Variants in EPHA7 observed in about 807,000 individuals in gnomAD.
The protein encoded by EPHA7 is ephrin type-A receptor 7.
In EPHA7, 25 loss-of-function variants were observed where a neutral mutation model predicts 112.6. The observed-to-expected ratio is 0.22, with a 90% CI of 0.16 to 0.31. The LOEUF (loss-of-function observed/expected upper bound fraction) is 0.31. Among genes scored for constraint, EPHA7 ranks in the 10% least tolerant of loss-of-function variants. The probability of loss-of-function intolerance (pLI) is 1.00; values close to 1 mark genes in which losing one functional copy is unlikely to be tolerated. For missense variants in EPHA7, 962 were observed against 1,212.6 expected (o/e 0.79, Z 3.07); for synonymous variants, 437 against 406.5 (o/e 1.07, Z -0.90).
At chr6:93,356,217 T>C (rs936707893) in intron 5 of EPHA7, among the ~76,000 whole-genome samples, 2 of 151,948 alleles carry the variant, frequency 1.3e-5, no homozygotes, top group African/African-American at 4.8e-5. Context: ...CCTGTTTTTT[T>C]TTTTCCAGAG....
chr6:93,298,172 T>C (rs1056624170), intron 5 of EPHA7, among the ~76,000 whole-genome samples: 39 of 152,208 alleles, frequency 2.6e-4, no homozygotes, highest in Admixed American at 5.9e-4. Context: ...AAAAAAATAT[T>C]AGTCTTTCAA....
intron 5 of EPHA7, among the ~76,000 whole-genome samples, chr6:93,351,072 T>C (rs1775667954): frequency 6.6e-6 from 1 of 152,060 alleles, no homozygotes; most frequent in African/African-American, 2.4e-5. Flanking sequence ...CTGAAGAAAT[T>C]ATTTGCCCAG....
rs145127086 is a variant in EPHA7, at chr6:93,310,588, C to T, written c.1325-38166G>A. On this transcript the variant is annotated intron_variant, in intron 5 of 16. Transcript: ENST00000369303. ...GCTGAGGCAGAAAATTGCTTGAACC[C>T]GGGGGATGGAGGTTGCAGTGAGCAG... Among the ~76,000 whole-genome samples the T allele has an allele frequency of 1.2e-3, 177 of 151,182 alleles. 4 individuals are homozygous for T. In the East Asian group the frequency reaches 0.03, roughly 26 times the overall value.
At chr6:93,417,816 G>A (rs1336009739) in intron 1 of EPHA7, among the ~76,000 whole-genome samples, 2 of 152,110 alleles carry the variant, frequency 1.3e-5, no homozygotes, top group Non-Finnish European at 1.5e-5. Flanking sequence ...GAGGCACGGG[G>A]TTCTCTGAAT....
intron 3 of EPHA7, among the ~76,000 whole-genome samples, chr6:93,407,841 C>T (rs1778793632): frequency 6.6e-6 from 1 of 151,680 alleles, no homozygotes; most frequent in Non-Finnish European, 1.5e-5. Flanking sequence ...TTTTACAGTA[C>T]CATGTTTGAT....
intron 3 of EPHA7, among the ~76,000 whole-genome samples, chr6:93,365,987 A>C (rs1776489100): frequency 6.6e-6 from 1 of 152,206 alleles, no homozygotes; most frequent in Non-Finnish European, 1.5e-5. Flanking sequence ...TTAGAATGTA[A>C]AATGAAATAA....
At chr6:93,313,740 T>C (rs1022574638) in intron 5 of EPHA7, among the ~76,000 whole-genome samples, 1 of 151,150 alleles carries the variant, frequency 6.6e-6, no homozygotes, top group Non-Finnish European at 1.5e-5. Flanking sequence ...TCTTAAAAGA[T>C]ATGGAACAAG....
chr6:93,386,779 A>T (rs1008989090), intron 3 of EPHA7, among the ~76,000 whole-genome samples: 7 of 152,130 alleles, frequency 4.6e-5, no homozygotes, highest in African/African-American at 1.7e-4. Context: ...CACCTGCAGG[A>T]CCAACACCAC....
chr6:93,338,310 A>G (rs540452867), intron 5 of EPHA7, among the ~76,000 whole-genome samples: 1 of 152,078 alleles, frequency 6.6e-6, no homozygotes. Context: ...AATAGTTTGA[A>G]ATAGTCTAAG....
chr6:93,365,661 A>C (rs1053530165), intron 3 of EPHA7, among the ~76,000 whole-genome samples: 3 of 152,190 alleles, frequency 2.0e-5, no homozygotes, highest in African/African-American at 7.2e-5. Context: ...AACAGCGAGC[A>C]GGGAGGATAA....
intron 9 of EPHA7, among the ~76,000 whole-genome samples, chr6:93,263,487 G>T (rs150087745): frequency 6.6e-6 from 1 of 151,256 alleles, no homozygotes; most frequent in African/African-American, 2.4e-5. Context: ...TCACTCATTG[G>T]ATTAAAAAAG....
At chr6:93,262,336 G>A (rs1280034175) in intron 9 of EPHA7, among the ~76,000 whole-genome samples, 2 of 151,380 alleles carry the variant, frequency 1.3e-5, no homozygotes, top group Admixed American at 6.6e-5. Flanking sequence ...TGCCAGATTA[G>A]CAAAAGGAAG....
At chr6:93,309,723 T>C (rs1456084843) in intron 5 of EPHA7, among the ~76,000 whole-genome samples, 1 of 152,144 alleles carries the variant, frequency 6.6e-6, no homozygotes, top group Non-Finnish European at 1.5e-5. Flanking sequence ...AAACATTCTA[T>C]ACTTAAGATC....
chr6:93,391,158 T>G (rs540450922), intron 3 of EPHA7, among the ~76,000 whole-genome samples: 1 of 152,108 alleles, frequency 6.6e-6, no homozygotes, highest in South Asian at 2.1e-4. Context: ...AAGTGTACTC[T>G]GAAAAGTACA....
In EPHA7 at chr6:93,419,362, T is replaced by G; in HGVS notation, c.-21A>C. ...ACCATGGTGCATGAGCAGGTTTTAT[T>G]TTAGGTTTCAGTTATCTTGAGTCGT... On this transcript the variant is annotated 5_prime_UTR_variant, in exon 1 of 17. Transcript: ENST00000369303. 6.3e-7 allele frequency: 1 copy of G among 1,593,502 alleles called. No homozygotes were observed. The highest frequency in any genetic ancestry group is 8.6e-7 in the Non-Finnish European group (1 of 1,163,068).
intron 5 of EPHA7, among the ~76,000 whole-genome samples, chr6:93,341,694 T>G (rs1775145668): frequency 6.6e-6 from 1 of 151,840 alleles, no homozygotes. Flanking sequence ...TGGTAGCTTT[T>G]GCAAACTTAC....
At chr6:93,333,253 T>C (rs1012573278) in intron 5 of EPHA7, among the ~76,000 whole-genome samples, 1 of 151,878 alleles carries the variant, frequency 6.6e-6, no homozygotes, top group Non-Finnish European at 1.5e-5. Context: ...CCATGGCATT[T>C]ATGCACCACA....
rs139974466 is a variant in EPHA7, at chr6:93,375,640, A to C, written c.833-17229T>G. Among the ~76,000 whole-genome samples, 645 of 152,018 alleles carry C rather than the reference A, an allele frequency of 4.2e-3. 7 individuals are homozygous for C. The highest frequency in any genetic ancestry group is 0.014 in the African/African-American group (597 of 41,528). On this transcript the variant is annotated intron_variant, in intron 3 of 16. Transcript: ENST00000369303. The stretch of plus-strand genomic sequence containing the variant: ...ATTTGGAAGCCTGAATTAAAAAAAA[A>C]AAACAAACTCCTAATAGGCAGCTAG...
rs113006298 is a variant in EPHA7, at chr6:93,388,912, C to T, written c.832+21589G>A. Among the ~76,000 whole-genome samples, 3 of 151,946 alleles carry T rather than the reference C, an allele frequency of 2.0e-5. 1 individual carries two copies. The highest frequency in any genetic ancestry group is 7.2e-5 in the African/African-American group (3 of 41,488). On this transcript the variant is annotated intron_variant, in intron 3 of 16. Transcript: ENST00000369303. ...GAAAATCATAACATGATTGAATTTGCAATTTAAAAAATGACGCTGGAGAGT... is the reference window on the plus strand; with the variant it reads ...GAAAATCATAACATGATTGAATTTGTAATTTAAAAAATGACGCTGGAGAGT...
Sources: gnomAD v4.1 joint callset for allele counts (sites outside exome capture counted in the v4.1 genomes callset) on GRCh38, gnomAD v4.1.1 for gene constraint, MANE v1.5 for transcripts, NCBI Gene and HGNC (gene_info 2026-07-23, HGNC 2026-07-21) for gene names.